CEP112: variants seen among roughly 807,000 people sequenced by gnomAD.
CEP112 encodes the protein centrosomal protein 112, also known as centrosomal protein of 112 kDa.
A neutral mutation model predicts 153.0 loss-of-function variants in CEP112; 127 were observed. The ratio of observed to expected loss-of-function variants is 0.83; its 90% CI spans 0.72 to 0.96. CEP112 has a LOEUF of 0.96. Ranked by LOEUF, CEP112 falls within the 40% of genes least tolerant of loss-of-function variation. The pLI, the probability that CEP112 is intolerant of heterozygous loss-of-function variation, is 0.00. For synonymous variants in CEP112, 358 were observed against 374.4 expected (o/e 0.96, Z 0.51); for missense variants, 1,089 against 1,101.2 (o/e 0.99, Z 0.16).
At chr17:66,034,239 G>A (rs2065614031) in intron 12 of CEP112, among the ~76,000 whole-genome samples, 1 of 152,094 alleles carries the variant, frequency 6.6e-6, no homozygotes, top group Admixed American at 6.6e-5. Flanking sequence ...ATTTTATAAG[G>A]TTATAACAGG....
chr17:65,683,549 G>A (rs2047635462), intron 24 of CEP112, among the ~76,000 whole-genome samples: 1 of 152,212 alleles, frequency 6.6e-6, no homozygotes, highest in Non-Finnish European at 1.5e-5. Context: ...GAAGGACCCG[G>A]CTCCCCGGAG....
Position 65,750,992 on chromosome 17 carries a change from GAC to G in CEP112, c.2395-270_2395-269del, listed in dbSNP as rs2051813174. On this transcript the variant is annotated intron_variant, in intron 21 of 26. Transcript: ENST00000535342. The stretch of plus-strand genomic sequence containing the variant: ...AAAGGGAGAAAGAGAGACAGAAATA[GAC>G]ACAGCAAAAGTATGAAGGCTCAGAA... 7 of 358,688 alleles carry G rather than the reference GAC, an allele frequency of 2.0e-5. No homozygotes were observed. In the East Asian group the frequency reaches 3.1e-4, roughly 16 times the overall value. The allele number at this position is 358,688 out of a possible 1,614,324, so 22.2% of individuals were successfully genotyped here.
intron 24 of CEP112, among the ~76,000 whole-genome samples, chr17:65,642,089 G>C (rs903992948): frequency 6.6e-6 from 1 of 152,250 alleles, no homozygotes; most frequent in African/African-American, 2.4e-5. Context: ...GCCTGAGCAG[G>C]ATGAAGATGT....
intron 17 of CEP112, among the ~76,000 whole-genome samples, chr17:65,975,843 GA>G (rs1243177144): frequency 6.6e-6 from 1 of 152,184 alleles, no homozygotes; most frequent in East Asian, 1.9e-4. Context: ...ATAACATGTG[GA>G]AAAGAAAGGT....
At chr17:65,882,803 C>T (rs1032226921) in intron 20 of CEP112, among the ~76,000 whole-genome samples, 4 of 152,184 alleles carry the variant, frequency 2.6e-5, no homozygotes, top group Non-Finnish European at 5.9e-5. Flanking sequence ...GGCAAAGCCA[C>T]CATCCACTGA....
At chr17:65,664,712 A>G (rs986486420) in intron 24 of CEP112, among the ~76,000 whole-genome samples, 1 of 152,216 alleles carries the variant, frequency 6.6e-6, no homozygotes, top group African/African-American at 2.4e-5. Context: ...TCTTCCTCTC[A>G]ATCCTGATAA....
At chr17:66,157,677 G>C (rs2071502962) in intron 4 of CEP112, among the ~76,000 whole-genome samples, 1 of 140,866 alleles carries the variant, frequency 7.1e-6, no homozygotes, top group Non-Finnish European at 1.5e-5. Flanking sequence ...TAAAGAGATG[G>C]AGGAATATTT....
At chr17:65,649,800 G>A (rs1598192538) in intron 24 of CEP112, among the ~76,000 whole-genome samples, 1 of 151,210 alleles carries the variant, frequency 6.6e-6, no homozygotes, top group East Asian at 1.9e-4. Context: ...CAGAGAAAAA[G>A]GGGAACTAAG....
At chr17:65,992,297 T>C (rs1461738309) in intron 17 of CEP112, among the ~76,000 whole-genome samples, 1 of 152,144 alleles carries the variant, frequency 6.6e-6, no homozygotes, top group Non-Finnish European at 1.5e-5. Flanking sequence ...ATAGGAAAGC[T>C]TTTTCACTCA....
chr17:66,086,784 T>G (rs1454665280), intron 8 of CEP112, among the ~76,000 whole-genome samples: 2 of 152,194 alleles, frequency 1.3e-5, no homozygotes, highest in African/African-American at 4.8e-5. Flanking sequence ...TATTTTTTAT[T>G]TCTAGGTGTT....
chr17:66,090,258 A>G (rs367585134), intron 8 of CEP112, among the ~76,000 whole-genome samples: 11 of 152,188 alleles, frequency 7.2e-5, no homozygotes, highest in African/African-American at 2.4e-4. Flanking sequence ...ACTCACCAGT[A>G]AAAGTAAGGA....
intron 8 of CEP112, among the ~76,000 whole-genome samples, chr17:66,077,880 T>G (rs969825485): frequency 6.6e-6 from 1 of 152,260 alleles, no homozygotes; most frequent in African/African-American, 2.4e-5. Context: ...CAAAAGCTCT[T>G]TAGTTTAATT....
chr17:65,824,636 G>C (rs1224725467), intron 21 of CEP112, among the ~76,000 whole-genome samples: 1 of 152,234 alleles, frequency 6.6e-6, no homozygotes, highest in Admixed American at 6.5e-5. Flanking sequence ...CTTTGAGGAA[G>C]AAAGATGAGT....
Position 65,831,658 on chromosome 17 carries a change from G to T in CEP112, c.2394+20146C>A, listed in dbSNP as rs552817464. Reference sequence around the variant, plus strand: ...AATCCAGGAACAAAGTGAGAAATTTGACAAGGAAATTGAAATAAATAAAAA... The same window carrying T: ...AATCCAGGAACAAAGTGAGAAATTTTACAAGGAAATTGAAATAAATAAAAA... On this transcript the variant is annotated intron_variant, in intron 21 of 26. Transcript: ENST00000535342. Among the ~76,000 whole-genome samples the T allele has an allele frequency of 2.6e-5, 4 of 151,550 alleles. No homozygotes were observed. In the East Asian group the frequency reaches 7.8e-4, roughly 29 times the overall value.
chr17:66,125,056 TA>T (rs1251329261), intron 6 of CEP112, among the ~76,000 whole-genome samples: 1 of 152,132 alleles, frequency 6.6e-6, no homozygotes, highest in African/African-American at 2.4e-5. Flanking sequence ...ATTTACTATT[TA>T]AAAAAACACT....
At chr17:65,758,024 G>A (rs866483807) in intron 21 of CEP112, among the ~76,000 whole-genome samples, 79 of 152,216 alleles carry the variant, frequency 5.2e-4, no homozygotes, top group African/African-American at 1.8e-3. Flanking sequence ...TAGTGAGACA[G>A]GGTCTCACTA....
intron 20 of CEP112, among the ~76,000 whole-genome samples, chr17:65,874,174 G>C (rs1185297911): frequency 6.6e-6 from 1 of 152,128 alleles, no homozygotes; most frequent in Admixed American, 6.5e-5. Context: ...AAAAATGGGT[G>C]CTCAAAAAGA....
chr17:66,084,615 C>G (rs547233957), intron 8 of CEP112, among the ~76,000 whole-genome samples: 24 of 151,986 alleles, frequency 1.6e-4, no homozygotes, highest in African/African-American at 5.3e-4. Flanking sequence ...AAATTAAAAA[C>G]AATTGAACTC....
At chr17:65,998,104 G>C (rs1359189882) in intron 17 of CEP112, among the ~76,000 whole-genome samples, 1 of 151,968 alleles carries the variant, frequency 6.6e-6, no homozygotes, top group African/African-American at 2.4e-5. Flanking sequence ...ATTGTGCTTG[G>C]GGTGGTGGCT....
Sources: gnomAD v4.1 joint callset for allele counts (sites outside exome capture counted in the v4.1 genomes callset) on GRCh38, gnomAD v4.1.1 for gene constraint, MANE v1.5 for transcripts, NCBI Gene and HGNC (gene_info 2026-07-23, HGNC 2026-07-21) for gene names.